Variants in TLN2 observed in about 807,000 individuals in gnomAD.
TLN2 encodes the protein talin-2.
In TLN2, 118 loss-of-function variants were observed where a neutral mutation model predicts 294.7. The ratio of observed to expected loss-of-function variants is 0.40; its 90% CI spans 0.34 to 0.47. The LOEUF is 0.47. TLN2 is among the 20% of genes least tolerant of loss of function. The pLI is 0.84. For missense variants in TLN2, 3,083 were observed against 3,282.2 expected, an observed-to-expected ratio of 0.94 and a Z score of 1.48; for synonymous variants, 1,431 against 1,304.5, an observed-to-expected ratio of 1.10 and a Z score of -2.09.
intron 34 of TLN2, among the ~76,000 whole-genome samples, 191 bp downstream of exon 34, chr15:62,750,682 G>C (rs970784675): frequency 7.9e-5 from 12 of 152,170 alleles, no homozygotes; most frequent in African/African-American, 2.9e-4. Flanking sequence ...CACCTGGAGG[G>C]CTTGTTAAAT....
intron 1 of TLN2, among the ~76,000 whole-genome samples, chr15:62,531,564 T>G (rs1405129202): frequency 2.6e-5 from 4 of 152,228 alleles, no homozygotes; most frequent in Non-Finnish European, 5.9e-5. Context: ...TCAGATATTC[T>G]CACCATAAAA....
chr15:62,800,087 C>T (rs1192409163), intron 48 of TLN2, among the ~76,000 whole-genome samples: 2 of 152,312 alleles, frequency 1.3e-5, no homozygotes, highest in African/African-American at 4.8e-5. Context: ...GGCAGCTCAT[C>T]GGCCAAGTTG....
intron 28 of TLN2, among the ~76,000 whole-genome samples, chr15:62,730,812 T>G (rs142859938): frequency 6.6e-6 from 1 of 152,310 alleles, no homozygotes. Context: ...CCCTGCATAT[T>G]TATCCTCCTT....
At chr15:62,569,474 G>A (rs998565983) in intron 1 of TLN2, among the ~76,000 whole-genome samples, 1 of 152,196 alleles carries the variant, frequency 6.6e-6, no homozygotes, top group African/African-American at 2.4e-5. Context: ...CGGGAGGCAG[G>A]GGTTAGCCCG....
Position 62,675,289 on chromosome 15 carries a change from C to G in TLN2, c.925C>G (p.Arg309Gly). 1 of 1,614,202 alleles carries G rather than the reference C, an allele frequency of 6.2e-7. No homozygotes were observed. Residue 309 changes from arginine (R) to glycine (G), a missense_variant, in exon 11 of 59, where the codon CGC (arginine) becomes GGC (glycine). By Grantham distance (125) the Arg-to-Gly change is moderately radical. Coordinates refer to ENST00000636159, the MANE Select transcript of TLN2 (RefSeq NM_015059.3). ...GTACGTCAAACTCGCACGGTCCCTC[C>G]GCACATATGGCGTGTCCTTCTTCCT... is the stretch of plus-strand genomic sequence containing the variant. ...VKYVKLARSLRTYGVSFFLVK... is the reference protein window; with the variant it reads ...VKYVKLARSLGTYGVSFFLVK...
chr15:62,519,389 C>T (rs1453668400), intron 1 of TLN2, among the ~76,000 whole-genome samples: 1 of 152,210 alleles, frequency 6.6e-6, no homozygotes, highest in Admixed American at 6.5e-5. Flanking sequence ...TTAGTGTTCA[C>T]ACCTTTATTT....
At chr15:62,667,117 C>T (rs961419465) in intron 9 of TLN2, among the ~76,000 whole-genome samples, 5 of 152,194 alleles carry the variant, frequency 3.3e-5, no homozygotes, top group Non-Finnish European at 7.3e-5. Flanking sequence ...AGGCGCCCAC[C>T]ACCACGCCCG....
chr15:62,459,547 TATGAGTGTGTGA>T (rs2036673845), intron 1 of TLN2, among the ~76,000 whole-genome samples: 1 of 152,244 alleles, frequency 6.6e-6, no homozygotes, highest in South Asian at 2.1e-4. Flanking sequence ...TGCCTGTGTG[TATGAGTGTGTGA>T]ATGAACATGT....
intron 1 of TLN2, among the ~76,000 whole-genome samples, chr15:62,450,414 C>A (rs1180012350): frequency 6.6e-6 from 1 of 151,618 alleles, no homozygotes; most frequent in Non-Finnish European, 1.5e-5. Flanking sequence ...ACATATTCAA[C>A]ATAGATAGTC....
At chr15:62,680,925 C>A (rs1288198084) in intron 11 of TLN2, among the ~76,000 whole-genome samples, 1 of 152,150 alleles carries the variant, frequency 6.6e-6, no homozygotes, top group African/African-American at 2.4e-5. Context: ...TTTTTCATGG[C>A]TGAGTAGTAT....
intron 1 of TLN2, among the ~76,000 whole-genome samples, chr15:62,574,642 A>C (rs1008699503): frequency 2.8e-5 from 4 of 141,270 alleles, no homozygotes; most frequent in African/African-American, 1.0e-4. Context: ...TTGTGTGTGT[A>C]ATGAGTATAA....
At chr15:62,820,082 G>A (rs997866512) in intron 53 of TLN2, among the ~76,000 whole-genome samples, 2 of 152,166 alleles carry the variant, frequency 1.3e-5, no homozygotes, top group African/African-American at 4.8e-5. Context: ...TTAAGGTGAG[G>A]GGTCAGTCCT....
chr15:62,425,974 C>T (rs1294253053), intron 1 of TLN2, among the ~76,000 whole-genome samples: 1 of 152,204 alleles, frequency 6.6e-6, no homozygotes, highest in African/African-American at 2.4e-5. Context: ...TCTTCAATTT[C>T]TAAGTCCCCT....
At chr15:62,465,964 T>G (rs1054248496) in intron 1 of TLN2, among the ~76,000 whole-genome samples, 1 of 151,806 alleles carries the variant, frequency 6.6e-6, no homozygotes, top group Admixed American at 6.6e-5. Context: ...TCCTGTGGAG[T>G]AGGAGGTCGC....
chr15:62,789,185 C>T (rs948665189), intron 45 of TLN2, among the ~76,000 whole-genome samples: 16 of 152,292 alleles, frequency 1.1e-4, no homozygotes, highest in African/African-American at 3.1e-4. Context: ...TGTGCAGACA[C>T]ACATGCAAGA....
In TLN2 at chr15:62,841,253, C is replaced by A. The variant is rs952836166; in HGVS notation, c.*643C>A. The A allele has an allele frequency of 6.5e-6, 1 of 152,712 alleles. No individual in the cohort carries two copies. Among genetic ancestry groups the A allele is most frequent in the Non-Finnish European group, 1.5e-5 (1 of 68,148 alleles). The allele number at this position is 152,712 out of a possible 1,614,324, so 9.5% of individuals were successfully genotyped here. On this transcript the variant is annotated 3_prime_UTR_variant, in exon 59 of 59. Transcript: ENST00000636159. ...GTATTTTGTGGCCCAGAAAACTGAACGATTATTTTGTTCCTCCGTAGTCCA... is the reference window on the plus strand; with the variant it reads ...GTATTTTGTGGCCCAGAAAACTGAAAGATTATTTTGTTCCTCCGTAGTCCA...
At chr15:62,816,168 A>G (rs2067100006) in intron 52 of TLN2, among the ~76,000 whole-genome samples, 1 of 152,234 alleles carries the variant, frequency 6.6e-6, no homozygotes, top group African/African-American at 2.4e-5. Flanking sequence ...CAACAAACAT[A>G]GGATCTAATT....
intron 54 of TLN2, chr15:62,832,718 T>G (rs1214047047): frequency 6.8e-6 from 1 of 147,438 alleles, no homozygotes; most frequent in East Asian, 1.9e-4. Flanking sequence ...TTTTCACCAC[T>G]GGGCAATGTG....
intron 11 of TLN2, among the ~76,000 whole-genome samples, chr15:62,680,964 C>G (rs2056776418): frequency 6.6e-6 from 1 of 152,144 alleles, no homozygotes; most frequent in Non-Finnish European, 1.5e-5. Context: ...CACATTTTCT[C>G]TATCCACTCA....
Sources: allele counts gnomAD v4.1 joint callset (sites outside exome capture counted in the v4.1 genomes callset), GRCh38; gene constraint gnomAD v4.1.1; transcripts MANE v1.5; gene names NCBI Gene and HGNC (gene_info 2026-07-23, HGNC 2026-07-21).